CCDC13: variants seen among roughly 807,000 people sequenced by gnomAD.
CCDC13 encodes the protein coiled-coil domain containing 13.
A neutral mutation model predicts 87.3 loss-of-function variants in CCDC13; 70 were observed. That is an observed-to-expected ratio of 0.80 (90% confidence interval 0.66 to 0.98). The LOEUF (loss-of-function observed/expected upper bound fraction) is 0.98, where lower values mean the gene tolerates loss of function less well. Among genes scored for constraint, CCDC13 ranks in the 50% least tolerant of loss-of-function variants. The probability of loss-of-function intolerance (pLI) is 0.00; values close to 1 mark genes in which losing one functional copy is unlikely to be tolerated. For missense variants in CCDC13, 842 were observed against 892.0 expected (o/e 0.94, Z 0.71); for synonymous variants, 317 against 360.3 (o/e 0.88, Z 1.36).
At chr3:42,760,598 G>A (rs972183196) in intron 1 of CCDC13, among the ~76,000 whole-genome samples, 2 of 151,802 alleles carry the variant, frequency 1.3e-5, no homozygotes, top group Non-Finnish European at 2.9e-5. Context: ...GCCTGGGCGA[G>A]GTTGCAGTGA....
intron 13 of CCDC13, among the ~76,000 whole-genome samples, chr3:42,722,791 CTTTTTTTTTTTTT>C (rs956889825): frequency 9.2e-6 from 1 of 109,098 alleles, no homozygotes. Context: ...TATTCCTTTA[CTTTTTTTTTTTTT>C]TTTTTTTTTT....
intron 14 of CCDC13, among the ~76,000 whole-genome samples, 184 bp downstream of exon 14, chr3:42,712,978 G>C (rs1445582718): frequency 1.3e-5 from 2 of 152,254 alleles, no homozygotes; most frequent in Middle Eastern, 3.2e-3. Flanking sequence ...TGGGGCTCCT[G>C]CTTCTGACTG....
At chr3:42,739,405 G>A (rs1032538886) in intron 9 of CCDC13, among the ~76,000 whole-genome samples, 3 of 152,180 alleles carry the variant, frequency 2.0e-5, no homozygotes, top group Admixed American at 6.5e-5. Flanking sequence ...AGTGCCTTGT[G>A]CCTGGTGCTG....
chr3:42,768,741 T>C (rs562004410), intron 1 of CCDC13, among the ~76,000 whole-genome samples: 4 of 151,988 alleles, frequency 2.6e-5, no homozygotes, highest in South Asian at 2.1e-4. Context: ...AGAGAAGCCA[T>C]AGAGACTGGA....
intron 9 of CCDC13, among the ~76,000 whole-genome samples, 164 bp from the exon 10 acceptor site, chr3:42,736,077 G>A (rs937981071): frequency 4.6e-5 from 7 of 152,236 alleles, no homozygotes; most frequent in African/African-American, 1.2e-4. Context: ...GCCATCAGGG[G>A]ATGTTGAATC....
chr3:42,713,394 G>T, intron 13 of CCDC13, 78 bp from the exon 14 acceptor site: 1 of 1,439,414 alleles, frequency 6.9e-7, no homozygotes, highest in Admixed American at 2.0e-5. Flanking sequence ...CAGGCCCTTA[G>T]AGAGATGGGC....
At chr3:42,766,378 A>AG (rs1699932943) in intron 1 of CCDC13, among the ~76,000 whole-genome samples, 1 of 152,036 alleles carries the variant, frequency 6.6e-6, no homozygotes, top group Non-Finnish European at 1.5e-5. Flanking sequence ...AGGAGAGGGA[A>AG]GAGGAAGAAG....
At chr3:42,742,488 A>T (rs998802164) in intron 8 of CCDC13, among the ~76,000 whole-genome samples, 1 of 152,142 alleles carries the variant, frequency 6.6e-6, no homozygotes, top group Non-Finnish European at 1.5e-5. Flanking sequence ...GACACTCCCA[A>T]CGCAGCCAGT....
intron 12 of CCDC13, among the ~76,000 whole-genome samples, chr3:42,732,022 C>G (rs1178907451): frequency 6.6e-6 from 1 of 152,210 alleles, no homozygotes; most frequent in African/African-American, 2.4e-5. Flanking sequence ...TCTTCCTGCT[C>G]TCTTTACTGT....
chr3:42,742,818 G>A, intron 8 of CCDC13, 78 bp downstream of exon 8: 2 of 1,554,218 alleles, frequency 1.3e-6, no homozygotes, highest in East Asian at 2.3e-5. Context: ...CTGACCACAT[G>A]TGCCTCAGAG....
intron 1 of CCDC13, among the ~76,000 whole-genome samples, chr3:42,772,010 G>C (rs979367852): frequency 6.6e-6 from 1 of 152,066 alleles, no homozygotes; most frequent in African/African-American, 2.4e-5. Context: ...GGTGGCTCAT[G>C]CGTGTAATCC....
At chr3:42,728,732 G>A (rs550781740) in intron 13 of CCDC13, among the ~76,000 whole-genome samples, 13 of 152,234 alleles carry the variant, frequency 8.5e-5, no homozygotes, top group Non-Finnish European at 1.5e-4. Context: ...ATAACCTCAA[G>A]GAAAAAAGGC....
intron 1 of CCDC13, among the ~76,000 whole-genome samples, chr3:42,771,956 C>A (rs140931090): frequency 1.3e-5 from 2 of 152,142 alleles, no homozygotes; most frequent in African/African-American, 4.8e-5. Context: ...TAAAAATCTG[C>A]TTTAAGTCTA....
At chr3:42,719,472 T>C (rs1004017189) in intron 13 of CCDC13, 1 of 151,916 alleles carries the variant, frequency 6.6e-6, no homozygotes, top group East Asian at 1.9e-4. Context: ...AAAGTTTTAA[T>C]TAATTAGAAA....
chr3:42,708,577 A>T lies in CCDC13; in HGVS notation c.*403T>A, dbSNP rs1698229872. The stretch of plus-strand genomic sequence containing the variant: ...GCTGAGTGGCATGGGGGATATGCCC[A>T]CTTAGGGTAACCAAGGGCTCTTCTG... On this transcript the variant is annotated 3_prime_UTR_variant, in exon 16 of 16. Coordinates refer to ENST00000310232, the MANE Select transcript of CCDC13 (RefSeq NM_144719.4). 2.5e-5 allele frequency: 4 copies of T among 162,904 alleles called. No individual in the cohort carries two copies. Among genetic ancestry groups the T allele is most frequent in the African/African-American group, 9.6e-5 (4 of 41,532 alleles). 10.1% of individuals were successfully genotyped at this position (162,904 alleles called of 1,614,324 possible).
At chr3:42,711,653 C>T (rs971250770) in intron 14 of CCDC13, among the ~76,000 whole-genome samples, 6 of 152,236 alleles carry the variant, frequency 3.9e-5, no homozygotes, top group Non-Finnish European at 8.8e-5. Flanking sequence ...CCAGTTCCTC[C>T]ATCTCTGCTC....
chr3:42,741,997 A>G (rs1699236506), intron 8 of CCDC13, among the ~76,000 whole-genome samples: 1 of 152,168 alleles, frequency 6.6e-6, no homozygotes, highest in African/African-American at 2.4e-5. Flanking sequence ...TAGGTAGCTC[A>G]CTGCCAGGGC....
chr3:42,723,485 A>G (rs1427836675), intron 13 of CCDC13, among the ~76,000 whole-genome samples: 2 of 152,224 alleles, frequency 1.3e-5, no homozygotes, highest in African/African-American at 4.8e-5. Context: ...TCAAGGGAAG[A>G]GAAGTTTATA....
intron 2 of CCDC13, 66 bp from the exon 3 acceptor site, chr3:42,757,280 T>A (rs1473368232): frequency 1.3e-6 from 2 of 1,502,210 alleles, no homozygotes; most frequent in Non-Finnish European, 1.8e-6. Context: ...GGGTCAGGCC[T>A]CCACTGCCTA....
Sources: allele counts gnomAD v4.1 joint callset (sites outside exome capture counted in the v4.1 genomes callset), GRCh38; gene constraint gnomAD v4.1.1; transcripts MANE v1.5; gene names NCBI Gene and HGNC (gene_info 2026-07-23, HGNC 2026-07-21).